The following BID variants were observed in gnomAD, a reference collection of about 807,000 sequenced individuals.
The protein encoded by BID is BH3 interacting domain death agonist, also known as BH3-interacting domain death agonist.
A neutral mutation model predicts 17.4 loss-of-function variants in BID; 19 were observed. That is an observed-to-expected ratio of 1.09 (90% CI 0.76 to 1.60). The LOEUF (loss-of-function observed/expected upper bound fraction) is 1.60, where lower values mean the gene tolerates loss of function less well. BID is among the 40% of genes most tolerant of loss of function. BID has a pLI of 0.00. For missense variants in BID, 226 were observed against 256.0 expected, an observed-to-expected ratio of 0.88 and a Z score of 0.80; for synonymous variants, 108 against 102.8, an observed-to-expected ratio of 1.05 and a Z score of -0.31.
chr22:17,743,768 C>T, intron 3 of BID, 35 bp downstream of exon 3: 2 of 1,578,474 alleles, frequency 1.3e-6, no homozygotes, highest in Non-Finnish European at 1.7e-6. Flanking sequence ...CAGAGAAGCC[C>T]AGCTTTGGGG....
intron 3 of BID, 38 bp from the exon 4 acceptor site, chr22:17,739,526 C>T: frequency 1.3e-6 from 2 of 1,590,826 alleles, no homozygotes; most frequent in East Asian, 4.5e-5. Context: ...AGAGCAGACT[C>T]AGAAAATGTC....
At chr22:17,761,396 T>C (rs993893239) in intron 1 of BID, among the ~76,000 whole-genome samples, 2 of 151,518 alleles carry the variant, frequency 1.3e-5, no homozygotes, top group Non-Finnish European at 2.9e-5. Context: ...GCCATCCAGG[T>C]GCATTACACA....
chr22:17,772,072 T>C (rs2061725098), intron 1 of BID, among the ~76,000 whole-genome samples: 1 of 152,202 alleles, frequency 6.6e-6, no homozygotes, highest in South Asian at 2.1e-4. Flanking sequence ...AGCCTCTCCT[T>C]GCCTCAGTTA....
rs8190267 is a variant in BID, at chr22:17,774,366, C to G, written c.-59+15G>C. 245 of 178,048 alleles carry G rather than the reference C, an allele frequency of 1.4e-3. No individual in the cohort carries two copies. Among genetic ancestry groups the G allele is most frequent in the African/African-American group, 5.4e-3 (226 of 41,980 alleles). The allele number at this position is 178,048 out of a possible 1,614,324, so 11.0% of individuals were successfully genotyped here. Reference sequence around the variant, plus strand: ...GGCTCGGCGCGTACCCCGGGAGGGGCGCGGGTGCACTCACCACCCTCCAGC... The same window carrying G: ...GGCTCGGCGCGTACCCCGGGAGGGGGGCGGGTGCACTCACCACCCTCCAGC... On this transcript the variant is annotated intron_variant, in intron 1 of 5. Coordinates refer to ENST00000622694, the MANE Select transcript of BID (RefSeq NM_001196.4).
intron 1 of BID, among the ~76,000 whole-genome samples, chr22:17,759,280 T>A (rs1382997794): frequency 6.0e-5 from 8 of 133,100 alleles, no homozygotes; most frequent in Non-Finnish European, 9.7e-5. Context: ...AGGTGTGGGC[T>A]GGGTGCGGTG....
At position 17,769,176 on chromosome 22, in the gene BID, C is replaced by T. The variant is rs968269164; in HGVS notation, c.-59+5205G>A. Among the ~76,000 whole-genome samples the T allele has an allele frequency of 2.6e-5, 4 of 152,244 alleles. No homozygotes were observed. The highest frequency in any genetic ancestry group is 7.2e-5 in the African/African-American group (3 of 41,470). ...CACAGCAGGGCCTGTGCCGTGCCAA[C>T]GCCATGCCCCTGCCTGGCAGAAATG... is the stretch of plus-strand genomic sequence containing the variant. On this transcript the variant is annotated intron_variant, in intron 1 of 5. Transcript: ENST00000622694. This position sits in a 1 kb window ranked among gnomAD's most constrained non-coding sequence, Gnocchi z 4.8.
At chr22:17,743,770 G>A (rs1202134732) in intron 3 of BID, 33 bp downstream of exon 3, 1 of 1,582,564 alleles carries the variant, frequency 6.3e-7, no homozygotes, top group African/African-American at 1.3e-5. Context: ...GAGAAGCCCA[G>A]CTTTGGGGAA....
chr22:17,761,658 C>T (rs574393523), intron 1 of BID, among the ~76,000 whole-genome samples: 107 of 152,242 alleles, frequency 7.0e-4, no homozygotes, highest in Non-Finnish European at 1.2e-3. Context: ...GTCTCGATCT[C>T]CTGACATCGT....
intron 5 of BID, among the ~76,000 whole-genome samples, chr22:17,735,933 T>C (rs2061416341): frequency 6.6e-6 from 1 of 152,164 alleles, no homozygotes; most frequent in African/African-American, 2.4e-5. Context: ...CCCCTTTACA[T>C]GGGTGTTGGT....
chr22:17,756,461 T>TTCTTTC (rs1555906109), intron 1 of BID, among the ~76,000 whole-genome samples: 40 of 100,394 alleles, frequency 4.0e-4, no homozygotes, highest in Non-Finnish European at 8.2e-4. Flanking sequence ...CTTTCTTTCT[T>TTCTTTC]TCTTTCTTTC....
intron 2 of BID, among the ~76,000 whole-genome samples, chr22:17,747,820 G>A (rs1055767078): frequency 1.3e-5 from 2 of 151,920 alleles, no homozygotes; most frequent in South Asian, 4.2e-4. Flanking sequence ...GCTCACGCCT[G>A]TAATCCCAGC....
Position 17,735,201 on chromosome 22 carries a change from A to AATTT in BID, c.*375_*378dup. ...CTATGGTTGTACTTTAATAAACAGTAATTTTTTTTTACCAAAAAAATTGTA... is the reference window on the plus strand; with the variant it reads ...CTATGGTTGTACTTTAATAAACAGTAATTTATTTTTTTTTACCAAAAAAATTGTA... On this transcript the variant is annotated 3_prime_UTR_variant, in exon 6 of 6. Coordinates refer to ENST00000622694, the MANE Select transcript of BID (RefSeq NM_001196.4). The AATTT allele has an allele frequency of 4.4e-6, 1 of 224,910 alleles. No individual in the cohort carries two copies. The highest frequency in any genetic ancestry group is 8.9e-6 in the Non-Finnish European group (1 of 112,614). 13.9% of individuals were successfully genotyped at this position (224,910 alleles called of 1,614,324 possible).
At chr22:17,763,591 C>T (rs185500798) in intron 1 of BID, among the ~76,000 whole-genome samples, 19 of 152,178 alleles carry the variant, frequency 1.2e-4, no homozygotes, top group Admixed American at 3.9e-4. Context: ...TACAGAGAAC[C>T]GCAGGCTGAC....
chr22:17,753,873 G>A (rs981551355), intron 1 of BID, among the ~76,000 whole-genome samples: 4 of 152,254 alleles, frequency 2.6e-5, no homozygotes, highest in Non-Finnish European at 5.9e-5. Context: ...GTGAGGTGCC[G>A]AGCCCTGCAT....
chr22:17,751,718 A>T (rs2145893841), intron 1 of BID, among the ~76,000 whole-genome samples: 1 of 152,232 alleles, frequency 6.6e-6, no homozygotes, highest in South Asian at 2.1e-4. Flanking sequence ...TGCAGGCTGC[A>T]CCCTACTCTC....
chr22:17,766,892 G>T (rs923770893), intron 1 of BID, among the ~76,000 whole-genome samples: 53 of 150,570 alleles, frequency 3.5e-4, no homozygotes, highest in African/African-American at 1.0e-3. Flanking sequence ...GCCCGGCCAA[G>T]AATTTCTTTT....
At chr22:17,736,075 G>A (rs930520452) in intron 5 of BID, among the ~76,000 whole-genome samples, 11 of 152,134 alleles carry the variant, frequency 7.2e-5, no homozygotes, top group Non-Finnish European at 1.6e-4. Flanking sequence ...CAGCATATAA[G>A]GAATGTTTTC....
intron 2 of BID, among the ~76,000 whole-genome samples, chr22:17,749,112 T>C (rs1430455006): frequency 6.6e-6 from 1 of 152,164 alleles, no homozygotes; most frequent in Admixed American, 6.5e-5. Context: ...GCCAAGGCAT[T>C]AGACTTCGCA....
At chr22:17,741,113 C>T (rs1285859993) in intron 3 of BID, 3 of 152,192 alleles carry the variant, frequency 2.0e-5, no homozygotes, top group African/African-American at 4.8e-5. Flanking sequence ...GTTTTGCCTA[C>T]CCTCTGCCAT....
Sources: gnomAD v4.1 joint callset for allele counts (sites outside exome capture counted in the v4.1 genomes callset) on GRCh38, gnomAD v4.1.1 for gene constraint, Gnocchi (gnomAD v3.1) non-coding constraint, MANE v1.5 for transcripts, NCBI Gene and HGNC (gene_info 2026-07-23, HGNC 2026-07-21) for gene names.